CTNND2: variants seen among roughly 807,000 people sequenced by gnomAD.
The protein encoded by CTNND2 is catenin delta-2.
A neutral mutation model predicts 144.4 loss-of-function variants in CTNND2; 22 were observed. The ratio of observed to expected loss-of-function variants is 0.15; its 90% CI spans 0.11 to 0.22. The LOEUF (loss-of-function observed/expected upper bound fraction) is 0.22, where lower values mean the gene tolerates loss of function less well. CTNND2 is among the 10% of genes least tolerant of loss of function. The probability of loss-of-function intolerance (pLI) is 1.00; values close to 1 mark genes in which losing one functional copy is unlikely to be tolerated. For missense variants in CTNND2, 1,353 were observed against 1,618.8 expected (o/e 0.84, Z 2.82); for synonymous variants, 751 against 695.6 (o/e 1.08, Z -1.25).
intron 5 of CTNND2, among the ~76,000 whole-genome samples, chr5:11,406,862 T>C (rs975752409): frequency 5.9e-5 from 9 of 152,128 alleles, no homozygotes; most frequent in African/African-American, 2.2e-4. Context: ...ATATATTAGC[T>C]CTGAAGATTT....
chr5:11,726,662 G>A (rs895255916), intron 2 of CTNND2, among the ~76,000 whole-genome samples: 1 of 152,110 alleles, frequency 6.6e-6, no homozygotes, highest in East Asian at 1.9e-4. Flanking sequence ...TGACAGAAGC[G>A]TTAGAAGCAC....
intron 1 of CTNND2, among the ~76,000 whole-genome samples, chr5:11,852,403 G>A (rs1795058169): frequency 1.3e-5 from 2 of 152,128 alleles, no homozygotes; most frequent in Non-Finnish European, 2.9e-5. Context: ...CCTAAGTGAT[G>A]GTCTAATGGC....
At chr5:11,597,079 A>G (rs1332328258) in intron 2 of CTNND2, among the ~76,000 whole-genome samples, 1 of 152,192 alleles carries the variant, frequency 6.6e-6, no homozygotes, top group East Asian at 1.9e-4. Context: ...GCTCACAGAT[A>G]TGGCAGCACT....
chr5:11,023,213 C>T (rs904060410), intron 16 of CTNND2, among the ~76,000 whole-genome samples: 2 of 152,186 alleles, frequency 1.3e-5, no homozygotes, highest in Admixed American at 1.3e-4. Context: ...GGGATCAAAT[C>T]ACTGGCCAAG....
intron 9 of CTNND2, among the ~76,000 whole-genome samples, chr5:11,262,367 A>T (rs1479676136): frequency 6.6e-6 from 1 of 152,120 alleles, no homozygotes; most frequent in Non-Finnish European, 1.5e-5. Flanking sequence ...TGCCTTACTG[A>T]AGACAATTGT....
intron 1 of CTNND2, among the ~76,000 whole-genome samples, chr5:11,821,818 A>G (rs1318258325): frequency 6.6e-6 from 1 of 152,196 alleles, no homozygotes; most frequent in African/African-American, 2.4e-5. Context: ...AACTAAATCA[A>G]TTCGATTTCA....
chr5:11,205,453 C>T (rs1038942430), intron 10 of CTNND2, among the ~76,000 whole-genome samples: 7 of 152,128 alleles, frequency 4.6e-5, no homozygotes, highest in African/African-American at 7.2e-5. Context: ...AATTATTACA[C>T]ATTCTTTTTT....
chr5:11,753,338 G>A (rs1788729872), intron 1 of CTNND2, among the ~76,000 whole-genome samples: 1 of 151,638 alleles, frequency 6.6e-6, no homozygotes, highest in Non-Finnish European at 1.5e-5. Flanking sequence ...ATTATTTTGA[G>A]GTATGTTCCT....
intron 2 of CTNND2, among the ~76,000 whole-genome samples, chr5:11,666,626 G>A (rs1783582124): frequency 6.6e-6 from 1 of 152,160 alleles, no homozygotes; most frequent in African/African-American, 2.4e-5. Context: ...ATGCCACTGA[G>A]TCTTAGAGTT....
chr5:11,798,880 C>T (rs4337856), intron 1 of CTNND2, among the ~76,000 whole-genome samples: 149,313 of 152,316 alleles, frequency 0.98, 73,248 homozygotes, highest in East Asian at 1. Flanking sequence ...ATGGGCCATA[C>T]AAAACACAGT....
chr5:11,469,391 A>G (rs1052643431), intron 3 of CTNND2, among the ~76,000 whole-genome samples: 1 of 152,238 alleles, frequency 6.6e-6, no homozygotes, highest in Non-Finnish European at 1.5e-5. Context: ...TGGGAGTTGC[A>G]TAAATCGATA....
At chr5:11,251,088 A>G (rs189839463) in intron 9 of CTNND2, among the ~76,000 whole-genome samples, 6 of 152,316 alleles carry the variant, frequency 3.9e-5, no homozygotes, top group African/African-American at 1.4e-4. Context: ...TGTTGTACAG[A>G]TTTATTTTTT....
At chr5:11,160,774 C>T (rs1245344791) in intron 11 of CTNND2, among the ~76,000 whole-genome samples, 6 of 152,102 alleles carry the variant, frequency 3.9e-5, no homozygotes, top group East Asian at 1.9e-4. Context: ...TATATTTTAA[C>T]GAAATGCGAT....
At position 11,529,967 on chromosome 5, in the gene CTNND2, A is replaced by G. The variant is rs548781695; in HGVS notation, c.287+34977T>C. Among the ~76,000 whole-genome samples, 3 of 151,596 alleles carry G rather than the reference A, an allele frequency of 2.0e-5. No homozygotes were observed. In the East Asian group the frequency reaches 5.8e-4, roughly 29 times the overall value. On this transcript the variant is annotated intron_variant, in intron 3 of 21. Transcript: ENST00000304623. The stretch of plus-strand genomic sequence containing the variant: ...TCTTGAAAATTACATATTATATGCT[A>G]TAAGATTGCTTTTTAAAGCTGTACT...
intron 2 of CTNND2, among the ~76,000 whole-genome samples, chr5:11,600,783 C>T (rs1235910051): frequency 6.7e-6 from 1 of 149,928 alleles, no homozygotes; most frequent in African/African-American, 2.5e-5. Context: ...CACTCCCAGA[C>T]AACGATGTTA....
chr5:11,621,719 A>G (rs936588214), intron 2 of CTNND2, among the ~76,000 whole-genome samples: 8 of 152,350 alleles, frequency 5.3e-5, no homozygotes, highest in Admixed American at 3.9e-4. Flanking sequence ...CTGGGTAGGA[A>G]GCAGCTTTAC....
intron 9 of CTNND2, among the ~76,000 whole-genome samples, chr5:11,254,296 C>A (rs1743979579): frequency 6.6e-6 from 1 of 152,176 alleles, no homozygotes; most frequent in Non-Finnish European, 1.5e-5. Context: ...TGAATACATA[C>A]CCTCTGCTCA....
intron 16 of CTNND2, among the ~76,000 whole-genome samples, chr5:11,044,359 A>C (rs1020567132): frequency 2.0e-5 from 3 of 152,168 alleles, no homozygotes; most frequent in Non-Finnish European, 2.9e-5. Context: ...TTACACAGTG[A>C]CTATGGTCAG....
intron 1 of CTNND2, among the ~76,000 whole-genome samples, chr5:11,890,035 TTA>T (rs2127094773): frequency 6.6e-6 from 1 of 152,312 alleles, no homozygotes; most frequent in East Asian, 1.9e-4. Context: ...ACTTTCATAA[TTA>T]TATATGTTGT....
Sources: gnomAD v4.1 joint callset for allele counts (sites outside exome capture counted in the v4.1 genomes callset) on GRCh38, gnomAD v4.1.1 for gene constraint, MANE v1.5 for transcripts, NCBI Gene and HGNC (gene_info 2026-07-23, HGNC 2026-07-21) for gene names.